Variants in MATN2 observed in about 807,000 individuals in gnomAD.
MATN2 encodes matrilin 2.
MATN2 carries 69 observed loss-of-function variants against 103.2 expected under a neutral mutation model. That is an observed-to-expected ratio of 0.67 (90% CI 0.55 to 0.82). The LOEUF (loss-of-function observed/expected upper bound fraction) is 0.82, where lower values mean the gene tolerates loss of function less well. MATN2 is among the 40% of genes least tolerant of loss of function. MATN2 has a pLI of 0.00. For missense variants in MATN2, 1,023 were observed against 1,211.5 expected, an observed-to-expected ratio of 0.84 and a Z score of 2.31; for synonymous variants, 429 against 450.2, an observed-to-expected ratio of 0.95 and a Z score of 0.60.
intron 15 of MATN2, among the ~76,000 whole-genome samples, chr8:98,031,112 G>A (rs1405015518): frequency 2.0e-5 from 3 of 152,256 alleles, no homozygotes; most frequent in African/African-American, 7.2e-5. Flanking sequence ...TGCGGTGGGA[G>A]GATTGCTCGA....
rs1344575808 is a variant in MATN2, at chr8:98,033,040, A to G, written c.2582-2A>G. On this transcript the variant is annotated splice_acceptor_variant, in intron 16 of 18. Transcript: ENST00000254898. LOFTEE classifies it high-confidence loss of function. The stretch of plus-strand genomic sequence containing the variant: ...TGATTGCAGTTTTCTTTCTCTTTAC[A>G]GAATCTGAGCCAGTCACCATAAATA... 1 of 1,599,812 alleles carries G rather than the reference A, an allele frequency of 6.3e-7. No individual in the cohort carries two copies. Among genetic ancestry groups the G allele is most frequent in the Admixed American group, 1.8e-5 (1 of 56,024 alleles).
intron 4 of MATN2, among the ~76,000 whole-genome samples, chr8:97,959,055 T>C (rs1026401044): frequency 5.3e-5 from 8 of 152,206 alleles, no homozygotes; most frequent in Middle Eastern, 3.2e-3. Flanking sequence ...CAGTAATCTG[T>C]CCCAATTCTG....
At chr8:97,996,136 A>C (rs1462678290) in intron 7 of MATN2, among the ~76,000 whole-genome samples, 1 of 152,178 alleles carries the variant, frequency 6.6e-6, no homozygotes, top group Non-Finnish European at 1.5e-5. Flanking sequence ...TGCTCATTGC[A>C]AGCTTCCTCA....
chr8:97,875,237 G>T (rs1359949270), intron 1 of MATN2, among the ~76,000 whole-genome samples: 1 of 152,000 alleles, frequency 6.6e-6, no homozygotes, highest in East Asian at 1.9e-4. Context: ...TGTCCGCCTG[G>T]GCTGCCTCAT....
chr8:97,898,700 G>A (rs538834246), intron 2 of MATN2, among the ~76,000 whole-genome samples: 1 of 151,750 alleles, frequency 6.6e-6, no homozygotes, highest in Non-Finnish European at 1.5e-5. Flanking sequence ...TCCCTTAAAT[G>A]TCTCATACAA....
At chr8:97,963,444 A>C (rs6987225) in intron 5 of MATN2, among the ~76,000 whole-genome samples, 13,044 of 152,190 alleles carry the variant, frequency 0.086, 679 homozygotes, top group African/African-American at 0.14. Context: ...ACTGGAGGCC[A>C]CTGAAAAACC....
chr8:98,028,593 C>T (rs986549021), intron 14 of MATN2, among the ~76,000 whole-genome samples: 1 of 146,758 alleles, frequency 6.8e-6, no homozygotes, highest in Non-Finnish European at 1.5e-5. Context: ...TTGAAAACTG[C>T]TTTTTTTTTT....
At chr8:97,871,301 A>T (rs1351250665) in intron 1 of MATN2, among the ~76,000 whole-genome samples, 1 of 152,180 alleles carries the variant, frequency 6.6e-6, no homozygotes, top group Non-Finnish European at 1.5e-5. Flanking sequence ...GAGGGCAAGG[A>T]GTGAGGTGGG....
At chr8:97,964,219 A>G (rs573793885) in intron 5 of MATN2, among the ~76,000 whole-genome samples, 23 of 152,294 alleles carry the variant, frequency 1.5e-4, no homozygotes, top group Admixed American at 1.2e-3. Flanking sequence ...AAAGTTAACC[A>G]GGTGGCCTAA....
At chr8:97,935,623 A>T (rs1810347299) in intron 3 of MATN2, among the ~76,000 whole-genome samples, 1 of 152,090 alleles carries the variant, frequency 6.6e-6, no homozygotes, top group Non-Finnish European at 1.5e-5. Context: ...CTCAGCTTGG[A>T]CTACAGGTGT....
intron 13 of MATN2, chr8:98,024,838 C>T (rs1256419420): frequency 1.3e-5 from 2 of 148,468 alleles, no homozygotes; most frequent in African/African-American, 5.1e-5. Context: ...GGGAATTAAC[C>T]TCTGGCAAAA....
intron 1 of MATN2, among the ~76,000 whole-genome samples, chr8:97,871,645 G>T (rs1817904041): frequency 6.6e-6 from 1 of 152,226 alleles, no homozygotes; most frequent in Non-Finnish European, 1.5e-5. Context: ...GCCAAGGGGA[G>T]AATGGGGAAT....
chr8:97,949,294 A>G (rs1810863536), intron 4 of MATN2, among the ~76,000 whole-genome samples: 1 of 151,584 alleles, frequency 6.6e-6, no homozygotes, highest in Non-Finnish European at 1.5e-5. Context: ...TCAACCTCCA[A>G]GTAGCTGGAT....
chr8:97,889,208 G>A (rs983892477), intron 2 of MATN2, among the ~76,000 whole-genome samples: 7 of 151,906 alleles, frequency 4.6e-5, no homozygotes, highest in Non-Finnish European at 7.4e-5. Flanking sequence ...AGTGGCATCC[G>A]AAATTACAAT....
At chr8:98,002,594 G>A (rs1812824811) in intron 7 of MATN2, among the ~76,000 whole-genome samples, 1 of 152,112 alleles carries the variant, frequency 6.6e-6, no homozygotes, top group South Asian at 2.1e-4. Context: ...GCTGGGGAGC[G>A]TGGCTCTCAC....
At chr8:97,897,681 C>T (rs915635548) in intron 2 of MATN2, among the ~76,000 whole-genome samples, 2 of 152,188 alleles carry the variant, frequency 1.3e-5, no homozygotes, top group Admixed American at 6.5e-5. Flanking sequence ...CAGTGCATCA[C>T]GGGCAGTACA....
intron 14 of MATN2, 27 bp downstream of exon 14, chr8:98,027,856 C>T (rs1204514469): frequency 2.0e-6 from 3 of 1,523,826 alleles, no homozygotes; most frequent in Non-Finnish European, 2.6e-6. Context: ...GTGCGGTTTA[C>T]ACCACTCAAG....
chr8:97,972,803 G>A (rs1441624863), intron 5 of MATN2, among the ~76,000 whole-genome samples: 2 of 152,160 alleles, frequency 1.3e-5, no homozygotes, highest in East Asian at 3.8e-4. Context: ...TGATCTGGAG[G>A]GCTAAAGAGC....
intron 2 of MATN2, among the ~76,000 whole-genome samples, chr8:97,918,229 T>C (rs2256367): frequency 0.2 from 30,827 of 152,240 alleles, 4,122 homozygotes; most frequent in Non-Finnish European, 0.28. Flanking sequence ...TAATTTCTCT[T>C]ACCCTGCCTA....
Sources: allele counts gnomAD v4.1 joint callset (sites outside exome capture counted in the v4.1 genomes callset), GRCh38; gene constraint gnomAD v4.1.1; transcripts MANE v1.5; gene names NCBI Gene and HGNC (gene_info 2026-07-23, HGNC 2026-07-21).